DCC: variants seen among roughly 807,000 people sequenced by gnomAD.
DCC encodes the protein netrin receptor DCC.
Under a neutral mutation model 172.5 loss-of-function variants are expected in DCC, and 58 were observed. The ratio of observed to expected loss-of-function variants is 0.34; its 90% CI spans 0.27 to 0.42. The LOEUF is 0.42. DCC is among the 10% of genes least tolerant of loss of function. The pLI, the probability that DCC is intolerant of heterozygous loss-of-function variation, is 1.00. For missense variants in DCC, 1,740 were observed against 1,791.0 expected (o/e 0.97, Z 0.51); for synonymous variants, 709 against 644.5 (o/e 1.10, Z -1.52).
chr18:53,460,051 G>A (rs751581691), intron 24 of DCC, among the ~76,000 whole-genome samples: 2 of 91,468 alleles, frequency 2.2e-5, no homozygotes, highest in Non-Finnish European at 2.4e-5. Context: ...TATACAAAGG[G>A]ATCTGAAAAA....
At chr18:52,556,347 A>G (rs1468615935) in intron 1 of DCC, among the ~76,000 whole-genome samples, 1 of 152,186 alleles carries the variant, frequency 6.6e-6, no homozygotes, top group Non-Finnish European at 1.5e-5. Context: ...TGGGTTCAGT[A>G]GCCATGAAAA....
intron 12 of DCC, among the ~76,000 whole-genome samples, chr18:53,290,753 C>CA (rs2056993557): frequency 6.6e-6 from 1 of 151,910 alleles, no homozygotes; most frequent in Admixed American, 6.6e-5. Flanking sequence ...TATATAAAAG[C>CA]AAAAAAGTGA....
intron 1 of DCC, among the ~76,000 whole-genome samples, chr18:52,473,442 A>G (rs746530196): frequency 2.0e-5 from 3 of 152,232 alleles, no homozygotes; most frequent in Non-Finnish European, 4.4e-5. Context: ...TATGCTGCTA[A>G]TAAAAACATA....
intron 2 of DCC, among the ~76,000 whole-genome samples, chr18:52,778,134 T>A (rs1238054388): frequency 6.6e-6 from 1 of 152,192 alleles, no homozygotes; most frequent in Non-Finnish European, 1.5e-5. Context: ...AAATAATGTC[T>A]AAAGTTGAAA....
At chr18:53,086,022 C>CTTATTATTATTAT (rs1568294253) in intron 7 of DCC, among the ~76,000 whole-genome samples, 2 of 866 alleles carry the variant, frequency 2.3e-3, no homozygotes, top group Non-Finnish European at 4.9e-3. Flanking sequence ...CCTTCTCCCT[C>CTTATTATTATTAT]TCCCTCTCCC....
intron 1 of DCC, among the ~76,000 whole-genome samples, chr18:52,362,409 G>A (rs995972892): frequency 1.3e-5 from 2 of 152,086 alleles, no homozygotes; most frequent in African/African-American, 2.4e-5. Context: ...TATGCTCTAC[G>A]ACCACCAGCA....
chr18:53,066,788 T>A (rs1271200977), intron 7 of DCC, among the ~76,000 whole-genome samples: 1 of 151,766 alleles, frequency 6.6e-6, no homozygotes, highest in Non-Finnish European at 1.5e-5. Flanking sequence ...AGAAAAGAGG[T>A]TTAATTGGCT....
intron 27 of DCC, among the ~76,000 whole-genome samples, chr18:53,514,565 GAAAA>G (rs940636622): frequency 1.3e-5 from 2 of 151,806 alleles, no homozygotes; most frequent in Non-Finnish European, 2.9e-5. Context: ...GACTAATAAA[GAAAA>G]AAAGAGAGAA....
intron 13 of DCC, among the ~76,000 whole-genome samples, chr18:53,312,251 G>A (rs1416964660): frequency 2.1e-5 from 3 of 145,942 alleles, no homozygotes; most frequent in Admixed American, 6.9e-5. Flanking sequence ...TGAGGCAGGA[G>A]AATGGCATGA....
chr18:53,021,476 CTG>C (rs973031613), intron 5 of DCC, among the ~76,000 whole-genome samples: 7 of 152,154 alleles, frequency 4.6e-5, no homozygotes, highest in Admixed American at 3.3e-4. Flanking sequence ...ACAGTGGAAA[CTG>C]TGAAATACCA....
chr18:53,075,954 T>C (rs1052256750), intron 7 of DCC, among the ~76,000 whole-genome samples: 1 of 152,158 alleles, frequency 6.6e-6, no homozygotes, highest in South Asian at 2.1e-4. Context: ...TTCTGTGGCT[T>C]ACCCAAATTC....
chr18:53,116,907 T>C (rs937166223), intron 7 of DCC, among the ~76,000 whole-genome samples: 2 of 151,736 alleles, frequency 1.3e-5, no homozygotes, highest in African/African-American at 4.8e-5. Context: ...AAGTTAGTTT[T>C]GAAAAAGTAA....
rs570158178 is a variant in DCC, at chr18:52,441,945, T to C, written c.91+101067T>C. Among the ~76,000 whole-genome samples the C allele has an allele frequency of 2.6e-5, 4 of 152,280 alleles. No individual in the cohort carries two copies. The East Asian group carries it at 7.7e-4, about 29-fold the overall frequency. ...GTGAAGGGGAATTTGCAAACTCTGT[T>C]TGCAAATGAGATGTGCACCATAAAC... On this transcript the variant is annotated intron_variant, in intron 1 of 28. Transcript: ENST00000442544.
intron 1 of DCC, among the ~76,000 whole-genome samples, chr18:52,388,534 A>C (rs1376216604): frequency 6.6e-6 from 1 of 150,884 alleles, no homozygotes; most frequent in Non-Finnish European, 1.5e-5. Flanking sequence ...GGAAATCTAT[A>C]CTGTATTTTG....
chr18:52,739,094 T>C (rs1446581716), intron 1 of DCC, among the ~76,000 whole-genome samples: 2 of 151,814 alleles, frequency 1.3e-5, no homozygotes, highest in African/African-American at 2.4e-5. Context: ...AGTAATATGT[T>C]GCGCTACTAC....
chr18:52,894,732 A>T (rs1373104092), intron 2 of DCC, among the ~76,000 whole-genome samples: 1 of 152,054 alleles, frequency 6.6e-6, no homozygotes, highest in Admixed American at 6.6e-5. Flanking sequence ...CAAAGGCAAG[A>T]GAAGACTAAT....
intron 27 of DCC, among the ~76,000 whole-genome samples, chr18:53,505,694 C>T (rs1016239194): frequency 2.0e-5 from 3 of 152,106 alleles, no homozygotes; most frequent in Non-Finnish European, 4.4e-5. Flanking sequence ...AATAAATAAT[C>T]TATTTTCAGA....
chr18:52,948,947 A>G (rs2040592607), intron 5 of DCC, among the ~76,000 whole-genome samples: 1 of 152,196 alleles, frequency 6.6e-6, no homozygotes, highest in South Asian at 2.1e-4. Context: ...GTGCAACTCT[A>G]GATGTCATGC....
chr18:52,928,335 T>G (rs2040251407), intron 5 of DCC, among the ~76,000 whole-genome samples: 1 of 152,070 alleles, frequency 6.6e-6, no homozygotes, highest in Non-Finnish European at 1.5e-5. Context: ...TATCGAGCAC[T>G]ATGCTTATTA....
Sources: gnomAD v4.1 joint callset for allele counts (sites outside exome capture counted in the v4.1 genomes callset) on GRCh38, gnomAD v4.1.1 for gene constraint, MANE v1.5 for transcripts, NCBI Gene and HGNC (gene_info 2026-07-23, HGNC 2026-07-21) for gene names.